Variants in CBLN2 observed in about 807,000 individuals in gnomAD.
The protein encoded by CBLN2 is cerebellin-2.
A neutral mutation model predicts 15.0 loss-of-function variants in CBLN2; 7 were observed. That is an observed-to-expected ratio of 0.47 (90% CI 0.27 to 0.88). The LOEUF (loss-of-function observed/expected upper bound fraction) is 0.88. CBLN2 is among the 40% of genes least tolerant of loss of function. CBLN2 has a pLI of 0.14. For missense variants in CBLN2, 242 were observed against 304.5 expected (o/e 0.79, Z 1.53); for synonymous variants, 149 against 135.2 (o/e 1.10, Z -0.71).
chr18:72,540,888 A>C (rs2069104014), intron 3 of CBLN2, among the ~76,000 whole-genome samples: 1 of 152,216 alleles, frequency 6.6e-6, no homozygotes, highest in Non-Finnish European at 1.5e-5. Flanking sequence ...CGTGGGAAAC[A>C]CTTTGGTAAA....
intron 1 of CBLN2, among the ~76,000 whole-genome samples, chr18:72,557,252 A>T (rs938113544): frequency 2.6e-5 from 4 of 152,198 alleles, no homozygotes; most frequent in Non-Finnish European, 1.5e-5. Context: ...TAAGATGCGT[A>T]TGTACCACAT....
intron 1 of CBLN2, among the ~76,000 whole-genome samples, chr18:72,555,777 G>T (rs550517808): frequency 6.6e-6 from 1 of 152,048 alleles, no homozygotes; most frequent in African/African-American, 2.4e-5. Context: ...AAAATTCAAC[G>T]AACACCTACT....
At chr18:72,626,051 A>T (rs1037295090) in intron 1 of CBLN2, among the ~76,000 whole-genome samples, 3 of 151,762 alleles carry the variant, frequency 2.0e-5, no homozygotes, top group African/African-American at 7.3e-5. Flanking sequence ...CAGTGAGAGC[A>T]ACGTCTCCAT....
intron 1 of CBLN2, among the ~76,000 whole-genome samples, chr18:72,599,571 C>T (rs925719203): frequency 7.2e-5 from 11 of 151,930 alleles, no homozygotes; most frequent in African/African-American, 2.4e-4. Flanking sequence ...GCTGATTAAC[C>T]AAATTAGATA....
chr18:72,582,681 A>G (rs1489516295), intron 1 of CBLN2, among the ~76,000 whole-genome samples: 1 of 152,136 alleles, frequency 6.6e-6, no homozygotes, highest in African/African-American at 2.4e-5. Flanking sequence ...TGAGATATCC[A>G]GGACTGTTTA....
At chr18:72,619,719 G>A (rs2069687088) in intron 1 of CBLN2, among the ~76,000 whole-genome samples, 1 of 152,124 alleles carries the variant, frequency 6.6e-6, no homozygotes, top group African/African-American at 2.4e-5. Context: ...GGGTCATTAT[G>A]ATCATCTTAA....
At chr18:72,602,114 A>G (rs1325706678) in intron 1 of CBLN2, among the ~76,000 whole-genome samples, 1 of 152,226 alleles carries the variant, frequency 6.6e-6, no homozygotes, top group Admixed American at 6.5e-5. Context: ...CATTGTTTGA[A>G]GCAGAACAAA....
chr18:72,574,146 T>C (rs2069349586), intron 1 of CBLN2, among the ~76,000 whole-genome samples: 1 of 152,238 alleles, frequency 6.6e-6, no homozygotes, highest in Non-Finnish European at 1.5e-5. Flanking sequence ...ATTTTGTTTA[T>C]TGTCGTGTTT....
intron 1 of CBLN2, among the ~76,000 whole-genome samples, chr18:72,552,929 C>T (rs1428093860): frequency 3.9e-5 from 6 of 152,108 alleles, no homozygotes. Context: ...AAGTGTTAGG[C>T]AAGAGATTGT....
At chr18:72,635,714 A>G (rs2069807884) in intron 1 of CBLN2, among the ~76,000 whole-genome samples, 1 of 152,194 alleles carries the variant, frequency 6.6e-6, no homozygotes, top group Admixed American at 6.5e-5. Context: ...TCAGATATTT[A>G]TCTTTAAAAG....
At chr18:72,636,777 G>T (rs2069815717) in intron 1 of CBLN2, among the ~76,000 whole-genome samples, 1 of 152,084 alleles carries the variant, frequency 6.6e-6, no homozygotes, top group Admixed American at 6.6e-5. Context: ...AATGAAAATT[G>T]TTTCCACTTG....
intron 1 of CBLN2, among the ~76,000 whole-genome samples, chr18:72,601,095 G>C (rs1459924989): frequency 6.6e-6 from 1 of 152,132 alleles, no homozygotes; most frequent in African/African-American, 2.4e-5. Flanking sequence ...TAGAATTCTG[G>C]CCCTTCTCAT....
intron 1 of CBLN2, among the ~76,000 whole-genome samples, chr18:72,624,463 A>G (rs915945295): frequency 1.3e-5 from 2 of 152,124 alleles, no homozygotes; most frequent in Non-Finnish European, 2.9e-5. Context: ...AACATGGTAA[A>G]ACCCCATCTC....
In CBLN2 at chr18:72,538,196, A is replaced by G. The variant is rs2069081852; in HGVS notation, c.655T>C (p.Phe219Leu). 4 of 1,614,108 alleles carry G rather than the reference A, an allele frequency of 2.5e-6. No individual in the cohort carries two copies. Among genetic ancestry groups the G allele is most frequent in the Non-Finnish European group, 3.4e-6 (4 of 1,180,004 alleles). The change falls in exon 5 of 5, where the codon TTC becomes CTC. Residue 219 changes from phenylalanine to leucine, a missense_variant. Physicochemically the swap from Phe to Leu is conservative, Grantham distance 22 (BLOSUM62 0). Around this residue, in one of 4 missense-constraint regions of CBLN2, gnomAD observed 31 missense variants for 36.3 expected, o/e 0.86. Coordinates refer to ENST00000269503, the MANE Select transcript of CBLN2 (RefSeq NM_182511.4). ...GGWKYSTFSG[F>L]LVFPL ...TGTGTTTATAGAGGAAACACCAAGAAGCCCGAGAATGTGGAGTATTTCCAG... is the reference window on the plus strand; with the variant it reads ...TGTGTTTATAGAGGAAACACCAAGAGGCCCGAGAATGTGGAGTATTTCCAG...
intron 1 of CBLN2, among the ~76,000 whole-genome samples, chr18:72,578,057 T>C (rs1474005669): frequency 3.9e-5 from 6 of 152,212 alleles, no homozygotes; most frequent in African/African-American, 1.4e-4. Context: ...GCTGAGGGAA[T>C]CGGCGACTAA....
intron 1 of CBLN2, among the ~76,000 whole-genome samples, chr18:72,617,423 A>G (rs1216453038): frequency 6.6e-6 from 1 of 152,182 alleles, no homozygotes; most frequent in African/African-American, 2.4e-5. Context: ...GACAAACTTT[A>G]TTTAATAAAG....
chr18:72,610,761 C>G (rs2069616293), intron 1 of CBLN2, among the ~76,000 whole-genome samples: 1 of 152,136 alleles, frequency 6.6e-6, no homozygotes, highest in Admixed American at 6.5e-5. Flanking sequence ...GAATTTAACA[C>G]TTTTATTTTA....
At chr18:72,565,416 G>C (rs1420349172) in intron 1 of CBLN2, among the ~76,000 whole-genome samples, 1 of 151,962 alleles carries the variant, frequency 6.6e-6, no homozygotes, top group Admixed American at 6.6e-5. Flanking sequence ...TAGTATGAAG[G>C]TTAAAAATAA....
chr18:72,616,812 C>A (rs938886929), intron 1 of CBLN2, among the ~76,000 whole-genome samples: 2 of 152,168 alleles, frequency 1.3e-5, no homozygotes, highest in Admixed American at 1.3e-4. Flanking sequence ...AGCAATTCGT[C>A]TTGTGTTTCT....
Sources: gnomAD v4.1 joint callset for allele counts (sites outside exome capture counted in the v4.1 genomes callset) on GRCh38, gnomAD v4.1.1 for gene constraint, gnomAD v4.1.1 regional missense constraint, MANE v1.5 for transcripts, NCBI Gene and HGNC (gene_info 2026-07-23, HGNC 2026-07-21) for gene names.